The following CLDN14 variants were observed in gnomAD, a reference collection of about 807,000 sequenced individuals.
The protein encoded by CLDN14 is claudin 14, also known as claudin-14.
A neutral mutation model predicts 2.1 loss-of-function variants in CLDN14; 2 were observed. That is an observed-to-expected ratio of 0.96 (90% CI 0.39 to 3.01). The LOEUF (loss-of-function observed/expected upper bound fraction) is 3.01, where lower values mean the gene tolerates loss of function less well. Among genes scored for constraint, CLDN14 ranks in the 30% most tolerant of loss-of-function variants. CLDN14 has a pLI of 0.09. For missense variants in CLDN14, 298 were observed against 328.0 expected (o/e 0.91, Z 0.71); for synonymous variants, 136 against 154.4 (o/e 0.88, Z 0.88).
At chr21:36,532,144 T>C (rs1013479081) in intron 1 of CLDN14, 5 of 152,168 alleles carry the variant, frequency 3.3e-5, no homozygotes, top group African/African-American at 1.2e-4. Flanking sequence ...CACCCGAGTG[T>C]GGCATGCTAG....
rs999666765 is a variant in CLDN14, at chr21:36,499,309, G to C, written c.-82+11054C>G. On this transcript the variant is annotated intron_variant, in intron 2 of 2. Transcript: ENST00000342108. This position sits in a 1 kb window ranked among gnomAD's most constrained non-coding sequence, Gnocchi z 4.7. ...CTGTCGCCCAGGCTGGAGTGCAGTG[G>C]TGTGATCTCAGCTCGCTGCAACCTC... Among the ~76,000 whole-genome samples, 1 of 152,186 alleles carries C rather than the reference G, an allele frequency of 6.6e-6. No homozygotes were observed. Among genetic ancestry groups the C allele is most frequent in the Admixed American group, 6.5e-5 (1 of 15,270 alleles).
At chr21:36,515,344 G>A (rs2087218958) in intron 1 of CLDN14, among the ~76,000 whole-genome samples, 1 of 152,142 alleles carries the variant, frequency 6.6e-6, no homozygotes, top group Non-Finnish European at 1.5e-5. Flanking sequence ...CAAATATGAT[G>A]TATCCATATC....
At chr21:36,501,035 T>G (rs1330830609) in intron 2 of CLDN14, among the ~76,000 whole-genome samples, 1 of 152,152 alleles carries the variant, frequency 6.6e-6, no homozygotes, top group African/African-American at 2.4e-5. Flanking sequence ...ACCCGGGGGG[T>G]GCGGCTCAGC....
chr21:36,519,714 A>ACAG (rs1265520274), intron 1 of CLDN14, among the ~76,000 whole-genome samples: 3 of 59,530 alleles, frequency 5.0e-5, no homozygotes, highest in Non-Finnish European at 2.3e-4. Flanking sequence ...TGTCTAAAAA[A>ACAG]CAACAACAAC....
chr21:36,467,866 G>A (rs528436050), intron 1 of CLDN14, among the ~76,000 whole-genome samples: 2 of 152,290 alleles, frequency 1.3e-5, no homozygotes, highest in African/African-American at 4.8e-5. Flanking sequence ...CAGATGGGAG[G>A]GGTGGAGGAC....
At chr21:36,575,615 GACA>G (rs2087736760) in intron 1 of CLDN14, among the ~76,000 whole-genome samples, 2 of 152,212 alleles carry the variant, frequency 1.3e-5, no homozygotes, top group African/African-American at 2.4e-5. Flanking sequence ...TGATAATGAA[GACA>G]GTCTTGGCAA....
chr21:36,488,146 C>T (rs2086916330), intron 2 of CLDN14, among the ~76,000 whole-genome samples: 1 of 152,202 alleles, frequency 6.6e-6, no homozygotes, highest in African/African-American at 2.4e-5. Context: ...GACACATGCT[C>T]CAACACGGCT....
intron 1 of CLDN14, among the ~76,000 whole-genome samples, chr21:36,513,638 C>G (rs2087202016): frequency 6.6e-6 from 1 of 152,168 alleles, no homozygotes; most frequent in Non-Finnish European, 1.5e-5. Context: ...GACATGCCCT[C>G]TGGGGACAAG....
At chr21:36,528,382 A>T (rs1201412854) in intron 1 of CLDN14, among the ~76,000 whole-genome samples, 1 of 152,206 alleles carries the variant, frequency 6.6e-6, no homozygotes, top group East Asian at 1.9e-4. Context: ...CTACAGCCAG[A>T]GCAGGATTCG....
Position 36,479,255 on chromosome 21 carries a change from G to A in CLDN14, c.-82+240C>T, listed in dbSNP as rs140078412. ...AACACTCAGGAACTGGATTATTGTC[G>A]TTCCTGGCTCATTAGGAGCCTGGCT... On this transcript the variant is annotated intron_variant, in intron 1 of 1. Transcript: ENST00000399135. 1.2e-3 allele frequency among the ~76,000 whole-genome samples: 186 copies of A among 152,222 alleles called. 1 individual carries two copies. Among genetic ancestry groups the A allele is most frequent in the African/African-American group, 4.3e-3 (179 of 41,560 alleles).
At chr21:36,508,583 G>C (rs1396599313) in intron 2 of CLDN14, among the ~76,000 whole-genome samples, 1 of 152,162 alleles carries the variant, frequency 6.6e-6, no homozygotes, top group East Asian at 1.9e-4. Flanking sequence ...AGGAGTAGTG[G>C]GCAGAGGGCA....
intron 1 of CLDN14, among the ~76,000 whole-genome samples, chr21:36,462,745 C>T (rs219774): frequency 0.23 from 34,448 of 151,630 alleles, 4,163 homozygotes; most frequent in African/African-American, 0.28. Flanking sequence ...GCCTGGCCAA[C>T]ATGGTGAAAC....
At chr21:36,508,862 C>T (rs1465198986) in intron 2 of CLDN14, among the ~76,000 whole-genome samples, 1 of 152,172 alleles carries the variant, frequency 6.6e-6, no homozygotes, top group Non-Finnish European at 1.5e-5. Flanking sequence ...GAGGGGCTGG[C>T]TTCAGGACAT....
chr21:36,516,916 C>T (rs1342150594), intron 1 of CLDN14, among the ~76,000 whole-genome samples: 1 of 152,210 alleles, frequency 6.6e-6, no homozygotes, highest in Non-Finnish European at 1.5e-5. Flanking sequence ...TCTCAGCTCA[C>T]CGCAACCTCC....
At chr21:36,462,741 C>T (rs972657736) in intron 1 of CLDN14, among the ~76,000 whole-genome samples, 24 of 151,758 alleles carry the variant, frequency 1.6e-4, no homozygotes, top group Non-Finnish European at 3.2e-4. Context: ...ACCAGCCTGG[C>T]CAACATGGTG....
chr21:36,523,273 T>C (rs1185497269), intron 1 of CLDN14, among the ~76,000 whole-genome samples: 1 of 152,220 alleles, frequency 6.6e-6, no homozygotes, highest in Non-Finnish European at 1.5e-5. Flanking sequence ...ATCCATCTCC[T>C]CTTGAAACTT....
intron 1 of CLDN14, among the ~76,000 whole-genome samples, chr21:36,511,701 C>A (rs1037712905): frequency 3.3e-5 from 5 of 152,008 alleles, no homozygotes; most frequent in Non-Finnish European, 7.4e-5. Context: ...ACAGGAAGCC[C>A]AGCAGATTCA....
chr21:36,505,735 T>C (rs545577334), intron 2 of CLDN14, among the ~76,000 whole-genome samples: 5 of 152,318 alleles, frequency 3.3e-5, no homozygotes, highest in Middle Eastern at 3.4e-3. Context: ...CCACTCAGGA[T>C]TGCCCAAGTC....
At chr21:36,486,937 A>G (rs2086904228) in intron 2 of CLDN14, 1 of 553,962 alleles carries the variant, frequency 1.8e-6, no homozygotes, top group East Asian at 4.1e-5. Flanking sequence ...GTCATTAGCC[A>G]GTGTGATGAG....
Sources: allele counts gnomAD v4.1 joint callset (sites outside exome capture counted in the v4.1 genomes callset), GRCh38; gene constraint gnomAD v4.1.1; non-coding constraint Gnocchi (gnomAD v3.1); transcripts MANE v1.5; gene names NCBI Gene and HGNC (gene_info 2026-07-23, HGNC 2026-07-21).